ACER2: variants seen among roughly 807,000 people sequenced by gnomAD.
The protein encoded by ACER2 is alkaline ceramidase 2.
A neutral mutation model predicts 34.7 loss-of-function variants in ACER2; 26 were observed. The ratio of observed to expected loss-of-function variants is 0.75; its 90% CI spans 0.55 to 1.04. The LOEUF (loss-of-function observed/expected upper bound fraction) is 1.04. ACER2 is among the 50% of genes least tolerant of loss of function. The pLI is 0.00. For synonymous variants in ACER2, 138 were observed against 132.1 expected (o/e 1.04, Z -0.31); for missense variants, 352 against 340.8 (o/e 1.03, Z -0.26).
chr9:19,451,664 G>T lies in ACER2; in HGVS notation c.*1028G>T, dbSNP rs1358929510. 2 of 152,138 alleles carry T rather than the reference G, an allele frequency of 1.3e-5. No individual in the cohort carries two copies. The highest frequency in any genetic ancestry group is 2.9e-5 in the Non-Finnish European group (2 of 68,040). 9.4% of individuals were successfully genotyped at this position (152,138 alleles called of 1,614,324 possible). The stretch of plus-strand genomic sequence containing the variant: ...AAATCTACAGAGAAGAAGAATTATG[G>T]CATGAACATTCCCACAGACCCACCA... On this transcript the variant is annotated 3_prime_UTR_variant, in exon 6 of 6. Transcript: ENST00000340967.
rs369990989 is a variant in ACER2, at chr9:19,426,228, TAAAAA to T, written c.365+1396_365+1400del. On this transcript the variant is annotated intron_variant, in intron 3 of 5. Transcript: ENST00000340967. ...CATCTGAACTGGTTGACTTTTTTTT[TAAAAA>T]AAAAAAAACAAAATTAACACATTAA... Among the ~76,000 whole-genome samples the T allele has an allele frequency of 1.4e-3, 200 of 144,764 alleles. 1 individual carries two copies. Among genetic ancestry groups the T allele is most frequent in the African/African-American group, 4.1e-3 (164 of 39,646 alleles). 95.0% of individuals were successfully genotyped at this position (144,764 alleles called of 152,430 possible).
At chr9:19,426,298 C>G (rs569549567) in intron 3 of ACER2, among the ~76,000 whole-genome samples, 4 of 145,784 alleles carry the variant, frequency 2.7e-5, no homozygotes, top group African/African-American at 1.0e-4. Context: ...CTTTTTCTGT[C>G]TTTCTTTCTC....
chr9:19,449,273 A>C (rs184457362), intron 5 of ACER2, among the ~76,000 whole-genome samples: 1 of 152,230 alleles, frequency 6.6e-6, no homozygotes, highest in Non-Finnish European at 1.5e-5. Flanking sequence ...TTGAACCCCC[A>C]TATAGGCAAC....
chr9:19,450,169 C>A (rs1442588663), intron 5 of ACER2: 4 of 983,088 alleles, frequency 4.1e-6, no homozygotes, highest in Non-Finnish European at 2.4e-6. Flanking sequence ...CCTCAGTCTT[C>A]TTGTTTGAGG....
At chr9:19,449,783 T>C (rs929362859) in intron 5 of ACER2, among the ~76,000 whole-genome samples, 1 of 151,462 alleles carries the variant, frequency 6.6e-6, no homozygotes, top group Admixed American at 6.6e-5. Flanking sequence ...TCCCAGCTAC[T>C]TGGGAGGCTG....
chr9:19,430,949 C>A (rs1830735659), intron 3 of ACER2, among the ~76,000 whole-genome samples: 1 of 151,778 alleles, frequency 6.6e-6, no homozygotes, highest in South Asian at 2.1e-4. Flanking sequence ...CAGAGTGAGA[C>A]TCTGTCTCAA....
intron 4 of ACER2, among the ~76,000 whole-genome samples, chr9:19,438,583 C>T: frequency 6.6e-6 from 1 of 152,202 alleles, no homozygotes; most frequent in East Asian, 1.9e-4. Flanking sequence ...CTGGTGACAA[C>T]ATCTGAAATG....
At chr9:19,450,376 G>A (rs557246319) in intron 5 of ACER2, 74 bp from the exon 6 acceptor site, 1 of 1,448,288 alleles carries the variant, frequency 6.9e-7, no homozygotes, top group East Asian at 2.3e-5. Flanking sequence ...TAGACCGGAA[G>A]AAGGAGCAGG....
chr9:19,441,314 G>T (rs145467625), intron 4 of ACER2, among the ~76,000 whole-genome samples: 1 of 152,078 alleles, frequency 6.6e-6, no homozygotes, highest in African/African-American at 2.4e-5. Flanking sequence ...CTCCCAAATT[G>T]CTGAGATTAC....
Position 19,433,549 on chromosome 9 carries a change from T to C in ACER2, c.366-1398T>C, listed in dbSNP as rs1830830986. Reference sequence around the variant, plus strand: ...AACAAAATGAAAAGTCTCCCATGTCTACCTCTTTCTACACAGACACGGCAA... The same window carrying C: ...AACAAAATGAAAAGTCTCCCATGTCCACCTCTTTCTACACAGACACGGCAA... On this transcript the variant is annotated intron_variant, in intron 3 of 5. Coordinates refer to ENST00000340967, the MANE Select transcript of ACER2 (RefSeq NM_001010887.3). Among the ~76,000 whole-genome samples the C allele has an allele frequency of 4.6e-5, 7 of 152,170 alleles. No individual in the cohort carries two copies. The South Asian group carries it at 1.4e-3, about 31-fold the overall frequency.
intron 1 of ACER2, among the ~76,000 whole-genome samples, chr9:19,420,131 C>G (rs1415357208): frequency 2.6e-5 from 4 of 152,168 alleles, no homozygotes; most frequent in Admixed American, 2.6e-4. Context: ...TGGTAAAGCT[C>G]TTTGGCCCTG....
At chr9:19,419,142 G>T (rs561517622) in intron 1 of ACER2, among the ~76,000 whole-genome samples, 3 of 152,174 alleles carry the variant, frequency 2.0e-5, no homozygotes, top group Non-Finnish European at 2.9e-5. Flanking sequence ...AGTGAGCCGA[G>T]ATCGCACCAT....
chr9:19,413,469 G>T (rs151061319), intron 1 of ACER2, among the ~76,000 whole-genome samples: 2 of 152,026 alleles, frequency 1.3e-5, no homozygotes, highest in African/African-American at 2.4e-5. Context: ...GTGTGGTGGT[G>T]TGTGCCTGTA....
At chr9:19,438,130 A>G (rs1447251614) in intron 4 of ACER2, among the ~76,000 whole-genome samples, 1 of 152,234 alleles carries the variant, frequency 6.6e-6, no homozygotes, top group Non-Finnish European at 1.5e-5. Flanking sequence ...GTCTCAGTTC[A>G]GGCTTTTACT....
At chr9:19,450,257 T>C in intron 5 of ACER2, 193 bp from the exon 6 acceptor site, 1 of 985,452 alleles carries the variant, frequency 1.0e-6, no homozygotes, top group African/African-American at 1.7e-5. Context: ...GGGTCCCAAA[T>C]TGCTGAAGAT....
At chr9:19,417,024 C>T (rs980896287) in intron 1 of ACER2, among the ~76,000 whole-genome samples, 1 of 152,166 alleles carries the variant, frequency 6.6e-6, no homozygotes, top group Non-Finnish European at 1.5e-5. Flanking sequence ...GCATCTCCAG[C>T]AAAGTCTCAG....
chr9:19,421,403 A>G (rs1347084641), intron 1 of ACER2, among the ~76,000 whole-genome samples: 1 of 152,252 alleles, frequency 6.6e-6, no homozygotes, highest in Non-Finnish European at 1.5e-5. Flanking sequence ...ATGTTATCCA[A>G]CCATAAAAAA....
intron 2 of ACER2, 131 bp downstream of exon 2, chr9:19,424,107 C>CT (rs1360315475): frequency 4.7e-5 from 42 of 887,932 alleles, no homozygotes; most frequent in Non-Finnish European, 6.5e-5. Context: ...TCTTAGCAAA[C>CT]TTTTTTTTCC....
At chr9:19,438,712 C>G (rs545834827) in intron 4 of ACER2, among the ~76,000 whole-genome samples, 2 of 152,298 alleles carry the variant, frequency 1.3e-5, no homozygotes, top group African/African-American at 4.8e-5. Flanking sequence ...TTCATTGTAA[C>G]TCTTGAGTGT....
Sources: allele counts gnomAD v4.1 joint callset (sites outside exome capture counted in the v4.1 genomes callset), GRCh38; gene constraint gnomAD v4.1.1; transcripts MANE v1.5; gene names NCBI Gene and HGNC (gene_info 2026-07-23, HGNC 2026-07-21).